The following KANTR variants were observed in gnomAD, a reference collection of about 807,000 sequenced individuals.
KANTR encodes KDM5C adjacent transcript.
At chrX:53,129,065 C>CTTTTTTT (rs10550250), downstream of KANTR, among the ~76,000 whole-genome samples, 1 of 55,490 alleles carries the variant, frequency 1.8e-5, no homozygotes, top group Non-Finnish European at 3.6e-5. Context: ...TCTTCTTCTT[C>CTTTTTTT]TTTTTTTTTT....
chrX:53,134,098 AC>A (rs1933391870), intron 2 of KANTR, among the ~76,000 whole-genome samples: 2 of 111,953 alleles, frequency 1.8e-5, no homozygotes, highest in Admixed American at 1.9e-4. Flanking sequence ...ACAGTGACTC[AC>A]GCCTATAATC....
chrX:53,117,808 T>C (rs1397702887), intron 2 of KANTR, among the ~76,000 whole-genome samples: 2 of 109,035 alleles, frequency 1.8e-5, no homozygotes, highest in African/African-American at 6.7e-5. Flanking sequence ...TTAGTAGAGT[T>C]GGGGTTTCAC....
At chrX:53,119,958 A>G (rs782329615) in intron 2 of KANTR, among the ~76,000 whole-genome samples, 3 of 111,237 alleles carry the variant, frequency 2.7e-5, no homozygotes, top group Admixed American at 9.6e-5. Flanking sequence ...CGCTCAAGCA[A>G]TCCACCCACC....
intron 2 of KANTR, among the ~76,000 whole-genome samples, chrX:53,139,215 C>T (rs1374546532): frequency 4.4e-5 from 2 of 45,044 alleles, no homozygotes; most frequent in Non-Finnish European, 9.5e-5. Flanking sequence ...AGCGAGACTC[C>T]GTCTCAAAAA....
At chrX:53,141,148 C>T (rs1242398422) in intron 2 of KANTR, among the ~76,000 whole-genome samples, 9 of 112,655 alleles carry the variant, frequency 8.0e-5, no homozygotes, top group Middle Eastern at 4.2e-3. Flanking sequence ...GCAACAAAAG[C>T]GAAACTCCAT....
intron 2 of KANTR, among the ~76,000 whole-genome samples, chrX:53,120,162 G>T (rs1602122009): frequency 9.0e-6 from 1 of 111,106 alleles, no homozygotes; most frequent in Middle Eastern, 4.7e-3. Flanking sequence ...AGCCTTTCAA[G>T]TAGCTGGGAC....
chrX:53,098,973 C>T (rs1230975688), intron 1 of KANTR, among the ~76,000 whole-genome samples: 1 of 111,260 alleles, frequency 9.0e-6, no homozygotes, highest in Admixed American at 9.6e-5. Flanking sequence ...AATCCTCCTG[C>T]CTCAGCCTCC....
At chrX:53,129,520 G>GTT (rs782586698), downstream of KANTR, among the ~76,000 whole-genome samples, 1 of 110,323 alleles carries the variant, frequency 9.1e-6, no homozygotes, top group East Asian at 2.9e-4. Flanking sequence ...TAAAAGATAG[G>GTT]TTTGCTAGGT....
At chrX:53,146,479 T>C (rs781954982), downstream of KANTR, among the ~76,000 whole-genome samples, 1 of 111,532 alleles carries the variant, frequency 9.0e-6, no homozygotes, top group African/African-American at 3.3e-5. Flanking sequence ...CCAAGAAATA[T>C]GGGACTATGT....
chrX:53,128,034 T>A (rs782783141), downstream of KANTR, among the ~76,000 whole-genome samples: 6 of 111,412 alleles, frequency 5.4e-5, no homozygotes, highest in Non-Finnish European at 1.1e-4. Flanking sequence ...GAACAGGCTG[T>A]GTGGGGTTTT....
At chrX:53,108,918 T>C (rs1239128544) in intron 2 of KANTR, among the ~76,000 whole-genome samples, 3 of 111,427 alleles carry the variant, frequency 2.7e-5, no homozygotes, top group East Asian at 5.7e-4. Flanking sequence ...TCCAGGCTGG[T>C]CTCAAACTCC....
intron 2 of KANTR, among the ~76,000 whole-genome samples, chrX:53,137,258 G>A (rs1256611774): frequency 3.6e-5 from 4 of 112,007 alleles, no homozygotes; most frequent in African/African-American, 1.3e-4. Context: ...TTTTGAGAGA[G>A]AACAGTTCTT....
downstream of KANTR, among the ~76,000 whole-genome samples, chrX:53,130,675 T>C (rs1389377359): frequency 1.8e-5 from 2 of 112,193 alleles, no homozygotes; most frequent in Non-Finnish European, 3.8e-5. Context: ...GTATATGTGT[T>C]TGCTGTTACT....
intron 1 of KANTR, among the ~76,000 whole-genome samples, chrX:53,097,818 A>G (rs1276493294): frequency 8.4e-5 from 9 of 106,810 alleles, no homozygotes; most frequent in African/African-American, 3.0e-4. Context: ...TGGGAGGCCA[A>G]GGTGGGCAGA....
intron 2 of KANTR, among the ~76,000 whole-genome samples, chrX:53,116,026 CTGTT>C (rs1460447137): frequency 8.9e-6 from 1 of 112,043 alleles, no homozygotes. Flanking sequence ...TTTCTTGTTG[CTGTT>C]TGTTTGTTCA....
rs781906596 is a variant in KANTR, at chrX:53,113,800, C to T, written c.-804-9669C>T. Reference sequence around the variant, plus strand: ...TTCACCATGTTGATCAGGCTGGTCTCGAACTCCTGACCTCAAGTGATCTGC... The same window carrying T: ...TTCACCATGTTGATCAGGCTGGTCTTGAACTCCTGACCTCAAGTGATCTGC... On this transcript the variant is annotated intron_variant, in intron 2 of 2. Transcript: ENST00000604062. 3.6e-5 allele frequency among the ~76,000 whole-genome samples: 4 copies of T among 109,591 alleles called. No homozygotes were observed. The East Asian group carries it at 1.1e-3, about 31-fold the overall frequency.
chrX:53,123,663 G>A (rs1161590477), exon 3 of KANTR: 1 of 111,180 alleles, frequency 9.0e-6, no homozygotes, highest in African/African-American at 3.3e-5. Flanking sequence ...GTCACATCTT[G>A]GGCTGTGCGT....
intron 2 of KANTR, among the ~76,000 whole-genome samples, chrX:53,132,902 G>A (rs1933376829): frequency 9.0e-6 from 1 of 111,614 alleles, no homozygotes; most frequent in Non-Finnish European, 1.9e-5. Context: ...GAAAAAGAAT[G>A]AACTGTATAA....
At chrX:53,126,739 C>T (rs965144437) in exon 3 of KANTR, 5 of 111,945 alleles carry the variant, frequency 4.5e-5, no homozygotes, top group East Asian at 5.6e-4. Flanking sequence ...ACATATCCTT[C>T]GTTGTATACC....
Sources: allele counts gnomAD v4.1 joint callset (sites outside exome capture counted in the v4.1 genomes callset), GRCh38; gene constraint gnomAD v4.1.1; transcripts MANE v1.5; gene names NCBI Gene and HGNC (gene_info 2026-07-23, HGNC 2026-07-21).